Variants in CEP128 observed in about 807,000 individuals in gnomAD.
CEP128 encodes the protein centrosomal protein 128kDa.
A neutral mutation model predicts 156.7 loss-of-function variants in CEP128; 132 were observed. The observed-to-expected ratio is 0.84, with a 90% CI of 0.73 to 0.97. CEP128 has a LOEUF of 0.97. CEP128 is among the 50% of genes least tolerant of loss of function. The probability of loss-of-function intolerance (pLI) is 0.00; values close to 1 mark genes in which losing one functional copy is unlikely to be tolerated. For synonymous variants in CEP128, 469 were observed against 448.9 expected (o/e 1.04, Z -0.57); for missense variants, 1,252 against 1,281.9 (o/e 0.98, Z 0.36).
downstream of CEP128, among the ~76,000 whole-genome samples, chr14:80,488,437 C>T (rs1322678571): frequency 1.3e-5 from 2 of 150,632 alleles, no homozygotes; most frequent in African/African-American, 2.4e-5. Context: ...CAATGAGATA[C>T]CATCTCACAC....
intron 19 of CEP128, among the ~76,000 whole-genome samples, chr14:80,614,928 T>C (rs1397198404): frequency 1.3e-5 from 2 of 152,212 alleles, no homozygotes; most frequent in African/African-American, 4.8e-5. Flanking sequence ...TAGCAAAGGT[T>C]ATCAAATGTA....
intron 23 of CEP128, chr14:80,526,552 T>A (rs1242941766): frequency 5.1e-6 from 1 of 197,650 alleles, no homozygotes; most frequent in Non-Finnish European, 1.0e-5. Context: ...AAGAAGGTGA[T>A]CATCACACTA....
intron 24 of CEP128, among the ~76,000 whole-genome samples, chr14:80,498,932 A>G (rs903977977): frequency 1.9e-4 from 29 of 152,318 alleles, no homozygotes; most frequent in African/African-American, 6.7e-4. Context: ...GAGCGCCTCT[A>G]GAGAGTACCT....
At chr14:80,678,056 A>ATTTTT (rs1566851089) in intron 19 of CEP128, among the ~76,000 whole-genome samples, 1 of 56,800 alleles carries the variant, frequency 1.8e-5, no homozygotes, top group Admixed American at 2.1e-4. Flanking sequence ...AAAAATATAT[A>ATTTTT]TATATATGTA....
intron 19 of CEP128, among the ~76,000 whole-genome samples, chr14:80,638,973 T>C (rs1894302156): frequency 6.6e-6 from 1 of 152,134 alleles, no homozygotes; most frequent in Non-Finnish European, 1.5e-5. Flanking sequence ...GTATTGAAAG[T>C]TGAGATGAGA....
At chr14:80,770,188 A>G (rs1360280135) in intron 16 of CEP128, among the ~76,000 whole-genome samples, 1 of 152,232 alleles carries the variant, frequency 6.6e-6, no homozygotes, top group Non-Finnish European at 1.5e-5. Context: ...AGGAGTGGGT[A>G]CAACTGGTAA....
chr14:80,704,900 G>A (rs1189635194), intron 19 of CEP128, among the ~76,000 whole-genome samples: 3 of 151,796 alleles, frequency 2.0e-5, no homozygotes, highest in Non-Finnish European at 2.9e-5. Context: ...TTAATGAGCT[G>A]ATATATACAT....
At chr14:80,771,850 G>A (rs1341607583) in intron 16 of CEP128, among the ~76,000 whole-genome samples, 1 of 152,156 alleles carries the variant, frequency 6.6e-6, no homozygotes, top group Non-Finnish European at 1.5e-5. Context: ...TCTGATCAAT[G>A]GAAAGAACAG....
In CEP128 at chr14:80,504,981, AC is replaced by A; in HGVS notation, c.3111del (p.Leu1038Ter). 6.2e-7 allele frequency: 1 copy of A among 1,602,452 alleles called. No homozygotes were observed. Among genetic ancestry groups the A allele is most frequent in the Non-Finnish European group, 8.5e-7 (1 of 1,173,850 alleles). ...TCCTGCCAAGAGGATGAGTGATCTA[AC>A]CCACGAGTGTGGGAACCTTCCAGAA... ...RTFLEGSHTR[G>X]LDHSSSWQDH... On this transcript the variant is annotated frameshift_variant, in exon 24 of 25. Coordinates refer to ENST00000555265, the MANE Select transcript of CEP128 (RefSeq NM_152446.5). LOFTEE classifies it high-confidence loss of function.
At chr14:80,573,866 G>A (rs1448770651) in intron 20 of CEP128, among the ~76,000 whole-genome samples, 2 of 152,114 alleles carry the variant, frequency 1.3e-5, no homozygotes, top group Non-Finnish European at 2.9e-5. Context: ...GCAAAGGGTC[G>A]CCCAACCTTC....
chr14:80,660,342 T>C (rs576927462), intron 19 of CEP128, among the ~76,000 whole-genome samples: 12 of 152,244 alleles, frequency 7.9e-5, no homozygotes, highest in African/African-American at 2.6e-4. Context: ...GTTAAAATAT[T>C]TTTTGCTTAT....
At chr14:80,842,374 A>G (rs1886386997) in intron 9 of CEP128, among the ~76,000 whole-genome samples, 1 of 152,064 alleles carries the variant, frequency 6.6e-6, no homozygotes, top group African/African-American at 2.4e-5. Context: ...CTTTCTATAT[A>G]CCATGAGTCA....
chr14:80,621,423 CTATA>C (rs1421817846), intron 19 of CEP128, among the ~76,000 whole-genome samples: 2 of 152,060 alleles, frequency 1.3e-5, no homozygotes, highest in African/African-American at 2.4e-5. Context: ...AAGACAAAAG[CTATA>C]TATAACAAAA....
chr14:80,585,581 T>C (rs1595047126), intron 19 of CEP128, among the ~76,000 whole-genome samples: 2 of 152,302 alleles, frequency 1.3e-5, no homozygotes, highest in East Asian at 3.9e-4. Context: ...GAGAAAGTTA[T>C]AGAAACAGAG....
chr14:80,840,556 T>A (rs1049781427), intron 10 of CEP128, 126 bp downstream of exon 10: 1 of 581,756 alleles, frequency 1.7e-6, no homozygotes, highest in African/African-American at 1.9e-5. Context: ...ACCAATTGAC[T>A]CCACATAGAA....
chr14:80,553,824 T>G (rs1395029350), intron 21 of CEP128, among the ~76,000 whole-genome samples: 2 of 152,222 alleles, frequency 1.3e-5, no homozygotes, highest in African/African-American at 4.8e-5. Context: ...TATGAATTCC[T>G]TGGGCATTTT....
chr14:80,619,367 G>GACACACACACACACACACACACAC (rs34190837), intron 19 of CEP128, among the ~76,000 whole-genome samples: 22 of 139,468 alleles, frequency 1.6e-4, no homozygotes, highest in South Asian at 2.3e-4. Flanking sequence ...AAGACACACA[G>GACACACACACACACACACACACAC]ACACACACAC....
intron 13 of CEP128, among the ~76,000 whole-genome samples, chr14:80,820,916 A>C (rs1364681602): frequency 6.6e-6 from 1 of 152,218 alleles, no homozygotes; most frequent in African/African-American, 2.4e-5. Flanking sequence ...AAAATAATAT[A>C]TTCTATGATA....
intron 19 of CEP128, among the ~76,000 whole-genome samples, chr14:80,586,153 AATCAT>A (rs985812863): frequency 6.6e-6 from 1 of 152,188 alleles, no homozygotes; most frequent in African/African-American, 2.4e-5. Context: ...TTATAAGGGA[AATCAT>A]ATATACTTTC....
Sources: allele counts gnomAD v4.1 joint callset (sites outside exome capture counted in the v4.1 genomes callset), GRCh38; gene constraint gnomAD v4.1.1; transcripts MANE v1.5; gene names NCBI Gene and HGNC (gene_info 2026-07-23, HGNC 2026-07-21).